COA1: variants seen among roughly 807,000 people sequenced by gnomAD.
COA1 encodes the protein cytochrome c oxidase assembly factor 1, also known as cytochrome c oxidase assembly factor 1 homolog.
In COA1, 13 loss-of-function variants were observed where a neutral mutation model predicts 16.0. The observed-to-expected ratio is 0.81, with a 90% confidence interval of 0.53 to 1.29. COA1 has a LOEUF of 1.29. COA1 is among the 50% of genes most tolerant of loss of function. The pLI is 0.00. For missense variants in COA1, 179 were observed against 177.0 expected (o/e 1.01, Z -0.06); for synonymous variants, 65 against 65.7 (o/e 0.99, Z 0.05).
intron 6 of COA1, chr7:43,623,902 T>G (rs1299529629): frequency 6.8e-7 from 1 of 1,465,954 alleles, no homozygotes; most frequent in Non-Finnish European, 9.0e-7. Context: ...AGTATTATTT[T>G]TATTAGTTTA....
intron 1 of COA1, among the ~76,000 whole-genome samples, chr7:43,720,568 TG>T (rs768705404): frequency 7.2e-5 from 11 of 152,214 alleles, no homozygotes; most frequent in Non-Finnish European, 1.5e-4. Flanking sequence ...TAATATATCC[TG>T]GCAGATCAAT....
chr7:43,667,514 T>C (rs548224246), intron 1 of COA1, among the ~76,000 whole-genome samples: 1 of 152,178 alleles, frequency 6.6e-6, no homozygotes, highest in African/African-American at 2.4e-5. Context: ...CAGAGATAAA[T>C]AAACTTTTGT....
At chr7:43,637,901 T>TCAAA (rs1227678236), downstream of COA1, among the ~76,000 whole-genome samples, 5 of 152,256 alleles carry the variant, frequency 3.3e-5, no homozygotes, top group African/African-American at 9.6e-5. Flanking sequence ...GAAACAAAAT[T>TCAAA]CAAACACTAA....
intron 1 of COA1, among the ~76,000 whole-genome samples, chr7:43,701,861 G>T (rs770259613): frequency 2.0e-4 from 30 of 151,904 alleles, no homozygotes; most frequent in Non-Finnish European, 3.8e-4. Context: ...TTTCATGTTT[G>T]TTGGCCATAT....
At chr7:43,615,730 G>A (rs1023400023) in intron 6 of COA1, among the ~76,000 whole-genome samples, 4 of 151,892 alleles carry the variant, frequency 2.6e-5, no homozygotes, top group African/African-American at 7.3e-5. Context: ...TTGTGCTGTC[G>A]TCCAGCCACA....
chr7:43,613,913 T>G (rs997666826), intron 6 of COA1, among the ~76,000 whole-genome samples: 1 of 152,308 alleles, frequency 6.6e-6, no homozygotes, highest in East Asian at 1.9e-4. Context: ...GCTGGGACTT[T>G]CCATATGAGA....
chr7:43,711,515 G>C (rs1240878147), intron 1 of COA1: 2 of 152,156 alleles, frequency 1.3e-5, no homozygotes, highest in Non-Finnish European at 2.9e-5. Flanking sequence ...CAAAAGGTGG[G>C]AATCTGCTTT....
In COA1 at chr7:43,630,346, A is replaced by G. The variant is rs75488378; in HGVS notation, c.*133+9103T>C. On this transcript the variant is annotated intron_variant and NMD_transcript_variant, in intron 6 of 6. Transcript: ENST00000415076. ...TAAGTGGAGATTTTATTTACTAAAA[A>G]TAAAACTATTTTTCCTAAATATGTT... 9.7e-3 allele frequency among the ~76,000 whole-genome samples: 1,479 copies of G among 152,268 alleles called. 13 individuals are homozygous for G. Among genetic ancestry groups the G allele is most frequent in the Non-Finnish European group, 0.014 (978 of 68,024 alleles).
intron 2 of COA1, chr7:43,647,835 A>T (rs1157319984): frequency 1.7e-6 from 1 of 582,392 alleles, no homozygotes; most frequent in East Asian, 2.9e-5. Flanking sequence ...TGCCCTCTCG[A>T]GAGTGGCCCA....
intron 1 of COA1, among the ~76,000 whole-genome samples, chr7:43,653,112 A>G (rs1338498996): frequency 6.6e-6 from 1 of 152,188 alleles, no homozygotes; most frequent in Non-Finnish European, 1.5e-5. Flanking sequence ...GGAGATCGAG[A>G]CCATCCTGGC....
At chr7:43,623,746 A>G (rs1292707660) in intron 6 of COA1, 1 of 1,606,834 alleles carries the variant, frequency 6.2e-7, no homozygotes, top group Non-Finnish European at 8.5e-7. Context: ...GCTTACAGGA[A>G]TATCACCTTT....
intron 1 of COA1, among the ~76,000 whole-genome samples, chr7:43,660,326 G>A (rs1563289518): frequency 6.6e-6 from 1 of 151,918 alleles, no homozygotes; most frequent in African/African-American, 2.4e-5. Context: ...CTCCTGCCCT[G>A]ACCCTCCTCC....
At chr7:43,662,863 C>G (rs2092575053) in intron 1 of COA1, among the ~76,000 whole-genome samples, 2 of 152,144 alleles carry the variant, frequency 1.3e-5, no homozygotes, top group South Asian at 4.1e-4. Flanking sequence ...ACCAAGAGAC[C>G]CAAGGTCTCA....
At chr7:43,612,927 T>C (rs974182078) in intron 6 of COA1, among the ~76,000 whole-genome samples, 10 of 152,132 alleles carry the variant, frequency 6.6e-5, no homozygotes, top group Non-Finnish European at 1.0e-4. Flanking sequence ...GTTTAATATA[T>C]AAAATGTTGC....
chr7:43,720,002 G>A (rs2095474425), intron 1 of COA1, among the ~76,000 whole-genome samples: 1 of 152,212 alleles, frequency 6.6e-6, no homozygotes, highest in South Asian at 2.1e-4. Context: ...TAAAAGGCCA[G>A]GCATGGTGGC....
At chr7:43,713,789 A>G (rs968487866) in intron 1 of COA1, among the ~76,000 whole-genome samples, 1 of 152,182 alleles carries the variant, frequency 6.6e-6, no homozygotes, top group Admixed American at 6.5e-5. Flanking sequence ...CTGTAATTCC[A>G]GCACTTTGGG....
chr7:43,648,420 A>C, intron 2 of COA1, 180 bp downstream of exon 2: 1 of 747,778 alleles, frequency 1.3e-6, no homozygotes, highest in Non-Finnish European at 2.4e-6. Flanking sequence ...ACACGAGAGA[A>C]AGACAGAGTG....
chr7:43,697,149 A>C (rs1379122809), intron 1 of COA1, among the ~76,000 whole-genome samples: 2 of 152,088 alleles, frequency 1.3e-5, no homozygotes, highest in Non-Finnish European at 2.9e-5. Flanking sequence ...CAAATAAAAA[A>C]AAGAAAAGCC....
At chr7:43,643,577 C>T (rs887797175) in intron 4 of COA1, among the ~76,000 whole-genome samples, 7 of 152,228 alleles carry the variant, frequency 4.6e-5, no homozygotes, top group Non-Finnish European at 8.8e-5. Context: ...CCACTCACGT[C>T]CATGCTGGAC....
Sources: allele counts gnomAD v4.1 joint callset (sites outside exome capture counted in the v4.1 genomes callset), GRCh38; gene constraint gnomAD v4.1.1; transcripts MANE v1.5; gene names NCBI Gene and HGNC (gene_info 2026-07-23, HGNC 2026-07-21).